The following SNTA1 variants were observed in gnomAD, a reference collection of about 807,000 sequenced individuals.
The protein encoded by SNTA1 is alpha-1-syntrophin.
Under a neutral mutation model 47.1 loss-of-function variants are expected in SNTA1, and 31 were observed. That is an observed-to-expected ratio of 0.66 (90% CI 0.49 to 0.89). The LOEUF is 0.89. SNTA1 is among the 40% of genes least tolerant of loss of function. The pLI is 0.00. For missense variants in SNTA1, 575 were observed against 693.0 expected (o/e 0.83, Z 1.91); for synonymous variants, 300 against 313.6 (o/e 0.96, Z 0.46).
At chr20:33,437,164 G>A (rs1171547088) in intron 2 of SNTA1, among the ~76,000 whole-genome samples, 1 of 151,232 alleles carries the variant, frequency 6.6e-6, no homozygotes, top group African/African-American at 2.4e-5. Flanking sequence ...TCAGGAGGCG[G>A]AGGCAGAAGA....
chr20:33,416,527 G>A (rs960682191), intron 3 of SNTA1, among the ~76,000 whole-genome samples: 8 of 152,088 alleles, frequency 5.3e-5, no homozygotes, highest in Admixed American at 2.0e-4. Context: ...GAGGTGAGCC[G>A]GGAACGATGG....
chr20:33,426,572 GC>G (rs1990176350), intron 2 of SNTA1, among the ~76,000 whole-genome samples: 2 of 151,760 alleles, frequency 1.3e-5, no homozygotes, highest in Admixed American at 6.6e-5. Flanking sequence ...GACCAGCCTG[GC>G]CAACATGATG....
chr20:33,421,171 C>CA (rs779903198), intron 2 of SNTA1, among the ~76,000 whole-genome samples: 278 of 127,448 alleles, frequency 2.2e-3, no homozygotes, highest in Middle Eastern at 4.3e-3. Context: ...TACCCTGTCT[C>CA]AAAAAAAAAA....
intron 2 of SNTA1, among the ~76,000 whole-genome samples, chr20:33,430,943 C>T (rs1247816823): frequency 1.3e-5 from 2 of 149,508 alleles, no homozygotes; most frequent in African/African-American, 2.5e-5. Flanking sequence ...AGCGAGACTC[C>T]GTCTCAAAAA....
chr20:33,408,242 G>A lies in SNTA1; in HGVS notation c.*265C>T. ...AGGTCCCAGACTCGGAATGGCTTCT[G>A]TGTACACAAAATATCTCTCTGCAAA... On this transcript the variant is annotated 3_prime_UTR_variant, in exon 8 of 8. Transcript: ENST00000217381. 1 of 515,032 alleles carries A rather than the reference G, an allele frequency of 1.9e-6. No homozygotes were observed. The highest frequency in any genetic ancestry group is 3.6e-6 in the Non-Finnish European group (1 of 281,450). 31.9% of individuals were successfully genotyped at this position (515,032 alleles called of 1,614,324 possible). A position where few individuals can be genotyped will look rare whatever the true frequency, so the allele number is the denominator to read the frequency against.
intron 2 of SNTA1, among the ~76,000 whole-genome samples, chr20:33,423,727 C>T (rs1164979034): frequency 2.0e-5 from 3 of 152,182 alleles, no homozygotes; most frequent in African/African-American, 7.2e-5. Flanking sequence ...GTCACATATG[C>T]GTTGCTGAGA....
chr20:33,439,285 C>T (rs1990523018), intron 1 of SNTA1, among the ~76,000 whole-genome samples: 1 of 152,084 alleles, frequency 6.6e-6, no homozygotes, highest in African/African-American at 2.4e-5. Context: ...GGGCAGGTCA[C>T]CTGAGGTCAG....
chr20:33,441,372 C>T (rs1351774572), intron 1 of SNTA1, among the ~76,000 whole-genome samples: 2 of 152,148 alleles, frequency 1.3e-5, no homozygotes, highest in African/African-American at 2.4e-5. Context: ...GGCTCATCCC[C>T]AGAATACTGA....
In SNTA1 at chr20:33,409,074, C is replaced by T. The variant is rs192663354; in HGVS notation, c.1238-186G>A. On this transcript the variant is annotated intron_variant, in intron 6 of 7. Coordinates refer to ENST00000217381, the MANE Select transcript of SNTA1 (RefSeq NM_003098.3). The stretch of plus-strand genomic sequence containing the variant: ...ATCACCCCCACCCTCAGAGGACCTA[C>T]ACCCACTTCCAGTCCCACTTCCAGC... Among the ~76,000 whole-genome samples, 737 of 152,184 alleles carry T rather than the reference C, an allele frequency of 4.8e-3. 4 individuals carry two copies. The highest frequency in any genetic ancestry group is 8.8e-3 in the Non-Finnish European group (597 of 68,014).
Position 33,443,473 on chromosome 20 carries a change from C to A in SNTA1, c.148G>T (p.Gly50Cys). The A allele has an allele frequency of 7.3e-7, 1 of 1,378,636 alleles. No individual in the cohort carries two copies. Among genetic ancestry groups the A allele is most frequent in the Non-Finnish European group, 9.4e-7 (1 of 1,061,734 alleles). The allele number at this position is 1,378,636 out of a possible 1,614,324, so 85.4% of individuals were successfully genotyped here. The change falls in exon 1 of 8, where the codon GGT becomes TGT. Residue 50 changes from glycine to cysteine, a missense_variant. By Grantham distance (159) the Gly-to-Cys change is radical. Transcript: ENST00000217381. ...TCCCGCGGAGCGCCGGGCTCGGGAC[C>A]AGGGTCGCCGTCGGCGGGGCTCACG... ...LTVSPADGDP[G>C]PEPGAPREQE...
chr20:33,412,927 G>T, intron 3 of SNTA1, 145 bp from the exon 4 acceptor site: 2 of 682,700 alleles, frequency 2.9e-6, no homozygotes, highest in South Asian at 3.2e-5. Context: ...TCACTGCTGG[G>T]CTCCAGCCAC....
chr20:33,436,923 G>T (rs1032856983), intron 2 of SNTA1, among the ~76,000 whole-genome samples: 1 of 140,136 alleles, frequency 7.1e-6, no homozygotes, highest in East Asian at 2.1e-4. Context: ...CCAAGATCGC[G>T]CCACTGCTCC....
chr20:33,438,820 C>T (rs747077370), intron 2 of SNTA1, 21 bp downstream of exon 2: 2 of 1,608,616 alleles, frequency 1.2e-6, no homozygotes, highest in Non-Finnish European at 1.7e-6. Flanking sequence ...CCCCTCTGAA[C>T]CCTGGAACGT....
At chr20:33,442,178 C>T (rs948402851) in intron 1 of SNTA1, among the ~76,000 whole-genome samples, 1 of 152,162 alleles carries the variant, frequency 6.6e-6, no homozygotes, top group Non-Finnish European at 1.5e-5. Flanking sequence ...TGAAGTGGAT[C>T]ATGAGACTAG....
At chr20:33,409,455 A>C (rs1202515883) in intron 6 of SNTA1, among the ~76,000 whole-genome samples, 1 of 151,650 alleles carries the variant, frequency 6.6e-6, no homozygotes, top group African/African-American at 2.4e-5. Context: ...AGAGGGCCCA[A>C]ACCCAACTTC....
rs56186098 is a variant in SNTA1 at position 33,414,245 on chromosome 20, C to CAAAAAAAAAAAAAA, written c.702-1477_702-1464dup. Among the ~76,000 whole-genome samples the CAAAAAAAAAAAAAA allele has an allele frequency of 1.2e-3, 36 of 29,226 alleles. 1 individual carries two copies. The highest frequency in any genetic ancestry group is 1.5e-3 in the Non-Finnish European group (20 of 12,958). 19.2% of individuals were successfully genotyped at this position (29,226 alleles called of 152,430 possible). A position where few individuals can be genotyped will look rare whatever the true frequency, so the allele number is the denominator to read the frequency against. Reference sequence around the variant, plus strand: ...AAAAGCGAAACTCCGTCTCAAAAACCAAAAAAAAAAAAAAAAAAAAAAAAA... The same window carrying CAAAAAAAAAAAAAA: ...AAAAGCGAAACTCCGTCTCAAAAACCAAAAAAAAAAAAAAAAAAAAAAAAAAAAAAAAAAAAAAA... On this transcript the variant is annotated intron_variant, in intron 3 of 7. Transcript: ENST00000217381.
intron 4 of SNTA1, 57 bp from the exon 5 acceptor site, chr20:33,412,483 G>C (rs1989764642): frequency 3.1e-6 from 5 of 1,605,840 alleles, no homozygotes; most frequent in Admixed American, 1.7e-5. Context: ...CAGAGGGCCA[G>C]GGCAGGGTGA....
chr20:33,415,127 CAT>C (rs11469419), intron 3 of SNTA1, among the ~76,000 whole-genome samples: 89,357 of 151,944 alleles, frequency 0.59, 27,451 homozygotes, highest in Non-Finnish European at 0.69. Context: ...CATGCACACA[CAT>C]ATGTGCATAC....
In SNTA1 at chr20:33,417,790, G is replaced by A. The variant is rs747390007; in HGVS notation, c.630C>T (p.Ser210=). The change falls in exon 3 of 8, where the codon AGC becomes AGT. Residue 210 remains serine, a synonymous_variant. Coordinates refer to ENST00000217381, the MANE Select transcript of SNTA1 (RefSeq NM_003098.3). ...SSPGPTPRNF[S]EAKHMSLKMA... ...TCTTCAAGGACATGTGTTTGGCCTCGCTGAAGTTCCGGGGTGTGGGGCCAG... is the reference window on the plus strand; with the variant it reads ...TCTTCAAGGACATGTGTTTGGCCTCACTGAAGTTCCGGGGTGTGGGGCCAG... The A allele has an allele frequency of 3.3e-5, 53 of 1,613,926 alleles. No individual in the cohort carries two copies. The highest frequency in any genetic ancestry group is 5.3e-5 in the African/African-American group (4 of 74,892).
Sources: allele counts gnomAD v4.1 joint callset (sites outside exome capture counted in the v4.1 genomes callset), GRCh38; gene constraint gnomAD v4.1.1; transcripts MANE v1.5; gene names NCBI Gene and HGNC (gene_info 2026-07-23, HGNC 2026-07-21).